The following B3GAT2 variants were observed in gnomAD, a reference collection of about 807,000 sequenced individuals.
B3GAT2 encodes galactosylgalactosylxylosylprotein 3-beta-glucuronosyltransferase 2.
A neutral mutation model predicts 27.8 loss-of-function variants in B3GAT2; 26 were observed. The observed-to-expected ratio is 0.93, with a 90% CI of 0.68 to 1.30. The LOEUF is 1.30. Among genes scored for constraint, B3GAT2 ranks in the 50% most tolerant of loss-of-function variants. B3GAT2 has a pLI of 0.00. For synonymous variants in B3GAT2, 218 were observed against 195.1 expected, an observed-to-expected ratio of 1.12 and a Z score of -0.98; for missense variants, 458 against 459.0, an observed-to-expected ratio of 1.00 and a Z score of 0.02.
intron 1 of B3GAT2, among the ~76,000 whole-genome samples, chr6:70,925,684 A>G (rs2150043568): frequency 6.6e-6 from 1 of 152,366 alleles, no homozygotes; most frequent in African/African-American, 2.4e-5. Flanking sequence ...GAGCTCAACC[A>G]GGCCTGCCTG....
chr6:70,871,745 T>C (rs1771941760), intron 2 of B3GAT2, among the ~76,000 whole-genome samples: 1 of 151,968 alleles, frequency 6.6e-6, no homozygotes, highest in Admixed American at 6.5e-5. Context: ...TTCTGCTTAT[T>C]TTGAGTTTAC....
chr6:70,947,133 A>G (rs1358133532), intron 1 of B3GAT2, among the ~76,000 whole-genome samples: 2 of 152,094 alleles, frequency 1.3e-5, no homozygotes, highest in Non-Finnish European at 2.9e-5. Flanking sequence ...AAAGCAGGAA[A>G]GATTCAAAAT....
intron 2 of B3GAT2, among the ~76,000 whole-genome samples, chr6:70,878,297 T>C (rs1772045987): frequency 6.6e-6 from 1 of 152,226 alleles, no homozygotes; most frequent in Non-Finnish European, 1.5e-5. Context: ...AATTTTCTAT[T>C]TTTATCTATG....
intron 2 of B3GAT2, among the ~76,000 whole-genome samples, chr6:70,882,500 C>T (rs1294023096): frequency 1.3e-5 from 2 of 151,686 alleles, no homozygotes; most frequent in Middle Eastern, 6.8e-3. Flanking sequence ...GACTACATCT[C>T]AAAAAATAAA....
At chr6:70,868,469 T>C (rs965350985) in intron 2 of B3GAT2, among the ~76,000 whole-genome samples, 2 of 152,248 alleles carry the variant, frequency 1.3e-5, no homozygotes, top group African/African-American at 4.8e-5. Flanking sequence ...CATAGGCTCA[T>C]CCCACTGCCA....
At chr6:70,951,936 A>T (rs1330608070) in intron 1 of B3GAT2, among the ~76,000 whole-genome samples, 1 of 152,130 alleles carries the variant, frequency 6.6e-6, no homozygotes, top group Non-Finnish European at 1.5e-5. Context: ...AAATAAAGTA[A>T]ATGTACCAAG....
chr6:70,935,065 A>T (rs1773121161), intron 1 of B3GAT2, among the ~76,000 whole-genome samples: 1 of 152,162 alleles, frequency 6.6e-6, no homozygotes, highest in South Asian at 2.1e-4. Flanking sequence ...TATGTGTAAT[A>T]GGGAGATGAC....
At chr6:70,898,786 A>G (rs939085738) in intron 1 of B3GAT2, among the ~76,000 whole-genome samples, 28 of 152,076 alleles carry the variant, frequency 1.8e-4, no homozygotes, top group African/African-American at 6.5e-4. Context: ...TTAAATACTA[A>G]TTAGTCATTT....
chr6:70,930,662 C>T (rs991620095), intron 1 of B3GAT2, among the ~76,000 whole-genome samples: 17 of 152,062 alleles, frequency 1.1e-4, no homozygotes, highest in African/African-American at 1.7e-4. Context: ...GTTAGAATGG[C>T]GATCATTAAA....
intron 1 of B3GAT2, among the ~76,000 whole-genome samples, chr6:70,945,901 G>C (rs561132656): frequency 3.9e-5 from 6 of 151,908 alleles, no homozygotes; most frequent in Admixed American, 2.0e-4. Flanking sequence ...AGCCAGAAGA[G>C]AGTGGGGGCC....
chr6:70,955,433 C>T (rs1318177315), intron 1 of B3GAT2, among the ~76,000 whole-genome samples: 1 of 149,918 alleles, frequency 6.7e-6, no homozygotes, highest in Non-Finnish European at 1.5e-5. Context: ...ACCCCTCCAC[C>T]GCCACCCGCT....
intron 1 of B3GAT2, among the ~76,000 whole-genome samples, chr6:70,904,617 C>T (rs775408683): frequency 8.5e-5 from 13 of 152,052 alleles, no homozygotes; most frequent in Non-Finnish European, 1.3e-4. Context: ...CAAAGCTAAA[C>T]AAGGACAAGT....
intron 1 of B3GAT2, among the ~76,000 whole-genome samples, chr6:70,953,648 T>C (rs907191221): frequency 6.6e-6 from 1 of 152,144 alleles, no homozygotes; most frequent in Admixed American, 6.5e-5. Context: ...ACAGAAACAA[T>C]AAACCTGTTG....
At chr6:70,918,557 T>G (rs1000414171) in intron 1 of B3GAT2, among the ~76,000 whole-genome samples, 17 of 152,176 alleles carry the variant, frequency 1.1e-4, no homozygotes, top group Admixed American at 3.9e-4. Flanking sequence ...CATGTTTAGT[T>G]CTTCCTTCAG....
In B3GAT2 at chr6:70,956,087, G is replaced by A. The variant is rs376563227; in HGVS notation, c.343C>T (p.Leu115=). The change falls in exon 1 of 4, where the codon CTG becomes TTG. Residue 115 remains leucine, a synonymous_variant. Transcript: ENST00000230053. ...CTGCGCGCCGCCGCGTCCTCCACCAGGATCCAGTGCAGCTGCGCCACCTGG... is the reference window on the plus strand; with the variant it reads ...CTGCGCGCCGCCGCGTCCTCCACCAAGATCCAGTGCAGCTGCGCCACCTGG... ...FRQVAQLHWI[L]VEDAAARSEL... 9 of 1,594,370 alleles carry A rather than the reference G, an allele frequency of 5.6e-6. No individual in the cohort carries two copies. In the African/African-American group the frequency reaches 8.2e-5, roughly 15 times the overall value.
intron 2 of B3GAT2, among the ~76,000 whole-genome samples, chr6:70,868,727 C>T (rs193259074): frequency 1.3e-5 from 2 of 152,116 alleles, no homozygotes; most frequent in East Asian, 1.9e-4. Context: ...TTTCCCCCCC[C>T]ACGTTAAACA....
chr6:70,942,568 C>T (rs1324007056), intron 1 of B3GAT2, among the ~76,000 whole-genome samples: 1 of 152,178 alleles, frequency 6.6e-6, no homozygotes, highest in East Asian at 1.9e-4. Context: ...CTCTGCTTTA[C>T]ACTCCCAGAC....
chr6:70,903,882 G>A (rs1198101431), intron 1 of B3GAT2, among the ~76,000 whole-genome samples: 1 of 151,886 alleles, frequency 6.6e-6, no homozygotes, highest in Non-Finnish European at 1.5e-5. Flanking sequence ...TCCTTTCCTA[G>A]GTATTTACTG....
intron 1 of B3GAT2, among the ~76,000 whole-genome samples, chr6:70,920,491 C>T (rs1051857002): frequency 1.3e-5 from 2 of 152,216 alleles, no homozygotes; most frequent in African/African-American, 2.4e-5. Context: ...CAGAAATTAC[C>T]TGTCTTCTGC....
Sources: gnomAD v4.1 joint callset for allele counts (sites outside exome capture counted in the v4.1 genomes callset) on GRCh38, gnomAD v4.1.1 for gene constraint, MANE v1.5 for transcripts, NCBI Gene and HGNC (gene_info 2026-07-23, HGNC 2026-07-21) for gene names.